Variants in SHC4 observed in about 807,000 individuals in gnomAD.
SHC4 encodes the protein SHC-transforming protein 4.
SHC4 carries 41 observed loss-of-function variants against 69.4 expected under a neutral mutation model. The observed-to-expected ratio is 0.59, with a 90% CI of 0.46 to 0.77. The LOEUF is 0.77. Among genes scored for constraint, SHC4 ranks in the 30% least tolerant of loss-of-function variants. The probability of loss-of-function intolerance (pLI) is 0.00; values close to 1 mark genes in which losing one functional copy is unlikely to be tolerated. For synonymous variants in SHC4, 318 were observed against 299.3 expected (o/e 1.06, Z -0.64); for missense variants, 777 against 783.8 (o/e 0.99, Z 0.10).
chr15:48,865,396 G>T (rs1899541141), intron 6 of SHC4, among the ~76,000 whole-genome samples: 1 of 152,160 alleles, frequency 6.6e-6, no homozygotes, highest in Non-Finnish European at 1.5e-5. Flanking sequence ...AGGTGATAGA[G>T]ACATATTAAC....
At chr15:48,878,098 T>C in intron 4 of SHC4, 2 of 1,499,726 alleles carry the variant, frequency 1.3e-6, no homozygotes, top group Non-Finnish European at 1.8e-6. Context: ...GCGCAGCCTT[T>C]GCGCACGCGC....
chr15:48,941,343 A>G (rs953538546), intron 1 of SHC4, among the ~76,000 whole-genome samples: 1 of 152,220 alleles, frequency 6.6e-6, no homozygotes, highest in South Asian at 2.1e-4. Context: ...GAACATTATC[A>G]GTGGAGTAGT....
At position 48,877,821 on chromosome 15, in the gene SHC4, G is replaced by A. The variant is rs1426203; in HGVS notation, c.841-5679C>T. On this transcript the variant is annotated intron_variant, in intron 4 of 11. Coordinates refer to ENST00000332408, the MANE Select transcript of SHC4 (RefSeq NM_203349.4). ...GTAAATTGCCCAGGGGAAGAGGAAG[G>A]GGGGGAAGGAGCATTAAATGTTACG... is the stretch of plus-strand genomic sequence containing the variant. 6.2e-3 allele frequency: 1,174 copies of A among 188,822 alleles called. 44 individuals carry two copies. In the East Asian group the frequency reaches 0.078, roughly 13 times the overall value. The allele number at this position is 188,822 out of a possible 1,614,324, so 11.7% of individuals were successfully genotyped here. A position where few individuals can be genotyped will look rare whatever the true frequency, so the allele number is the denominator to read the frequency against.
intron 1 of SHC4, among the ~76,000 whole-genome samples, chr15:48,934,796 A>G (rs1038253005): frequency 6.6e-6 from 1 of 152,356 alleles, no homozygotes; most frequent in African/African-American, 2.4e-5. Context: ...TACATGCTGC[A>G]GCATGAATGA....
chr15:48,922,650 T>G (rs1465417286), intron 2 of SHC4, among the ~76,000 whole-genome samples: 1 of 152,188 alleles, frequency 6.6e-6, no homozygotes, highest in African/African-American at 2.4e-5. Context: ...GGGAATTAAG[T>G]TTCAATACAT....
chr15:48,833,820 GA>G (rs1205134504), intron 11 of SHC4, among the ~76,000 whole-genome samples: 3 of 152,230 alleles, frequency 2.0e-5, no homozygotes, highest in Non-Finnish European at 4.4e-5. Context: ...GTAAGGAGAT[GA>G]TGCAGATAAA....
chr15:48,857,428 AG>A (rs1190659529), intron 7 of SHC4, among the ~76,000 whole-genome samples: 4 of 152,164 alleles, frequency 2.6e-5, no homozygotes, highest in Non-Finnish European at 5.9e-5. Context: ...AGAATAACAG[AG>A]ATAATCTATT....
At chr15:48,852,272 G>A (rs546954026) in intron 8 of SHC4, among the ~76,000 whole-genome samples, 6 of 152,210 alleles carry the variant, frequency 3.9e-5, no homozygotes. Context: ...GTGGTGGTAG[G>A]GCAGGGCTTG....
At position 48,851,186 on chromosome 15, in the gene SHC4, A is replaced by G. The variant is rs1899207254; in HGVS notation, c.1303+2T>C. ...GCAGATGGAGAAGGGCATTGTACCT[A>G]CCTATTGCCCTGCTTTGTTCTAAAC... is the stretch of plus-strand genomic sequence containing the variant. On this transcript the variant is annotated splice_donor_variant, in intron 9 of 11. Transcript: ENST00000332408. LOFTEE classifies it high-confidence loss of function. 1 of 1,613,640 alleles carries G rather than the reference A, an allele frequency of 6.2e-7. No individual in the cohort carries two copies. Among genetic ancestry groups the G allele is most frequent in the Non-Finnish European group, 8.5e-7 (1 of 1,179,724 alleles).
intron 1 of SHC4, among the ~76,000 whole-genome samples, chr15:48,939,679 T>A (rs1901139236): frequency 1.3e-5 from 2 of 152,242 alleles, no homozygotes; most frequent in South Asian, 4.1e-4. Context: ...CGCTTAGATG[T>A]GACGCCAATT....
intron 9 of SHC4, among the ~76,000 whole-genome samples, chr15:48,846,814 T>G (rs2140975839): frequency 6.6e-6 from 1 of 152,330 alleles, no homozygotes; most frequent in East Asian, 1.9e-4. Context: ...CACCACGTTT[T>G]GAAGACTCTG....
chr15:48,845,788 T>C (rs1379618947), intron 9 of SHC4, among the ~76,000 whole-genome samples: 1 of 152,228 alleles, frequency 6.6e-6, no homozygotes, highest in Non-Finnish European at 1.5e-5. Flanking sequence ...CCAGCTGTTG[T>C]AATTAGCAAG....
chr15:48,850,521 C>T (rs1899189275), intron 9 of SHC4, among the ~76,000 whole-genome samples: 1 of 152,192 alleles, frequency 6.6e-6, no homozygotes, highest in Non-Finnish European at 1.5e-5. Context: ...GTTCAGTCAT[C>T]TCCCCCTCTA....
At chr15:48,897,992 C>G (rs1900254617) in intron 2 of SHC4, among the ~76,000 whole-genome samples, 1 of 152,152 alleles carries the variant, frequency 6.6e-6, no homozygotes, top group African/African-American at 2.4e-5. Context: ...TTAACAAAGT[C>G]TAAGGGACAT....
At chr15:48,868,827 A>C (rs1327173817) in intron 5 of SHC4, among the ~76,000 whole-genome samples, 1 of 152,232 alleles carries the variant, frequency 6.6e-6, no homozygotes, top group African/African-American at 2.4e-5. Flanking sequence ...TACCTGAGTA[A>C]ATTTCTCTTA....
At chr15:48,837,434 T>C (rs891234724) in intron 10 of SHC4, among the ~76,000 whole-genome samples, 1 of 152,224 alleles carries the variant, frequency 6.6e-6, no homozygotes, top group Non-Finnish European at 1.5e-5. Flanking sequence ...ATTAATCACC[T>C]ATGGTCTCAT....
At chr15:48,844,628 T>C (rs746454733) in intron 9 of SHC4, among the ~76,000 whole-genome samples, 2 of 152,216 alleles carry the variant, frequency 1.3e-5, no homozygotes, top group Non-Finnish European at 2.9e-5. Flanking sequence ...ACCTCTGATA[T>C]GGTTTGGCTG....
chr15:48,860,861 T>A (rs1285973682), intron 6 of SHC4, among the ~76,000 whole-genome samples: 2 of 152,262 alleles, frequency 1.3e-5, no homozygotes, highest in Admixed American at 6.5e-5. Flanking sequence ...TGAGTCATCT[T>A]TGAAGTCTTT....
At chr15:48,908,307 G>A (rs944340364) in intron 2 of SHC4, among the ~76,000 whole-genome samples, 2 of 152,108 alleles carry the variant, frequency 1.3e-5, no homozygotes, top group African/African-American at 4.8e-5. Flanking sequence ...TAGTGATGTT[G>A]AGCATTTTTT....
Sources: allele counts gnomAD v4.1 joint callset (sites outside exome capture counted in the v4.1 genomes callset), GRCh38; gene constraint gnomAD v4.1.1; transcripts MANE v1.5; gene names NCBI Gene and HGNC (gene_info 2026-07-23, HGNC 2026-07-21).